PDGFC: variants seen among roughly 807,000 people sequenced by gnomAD.
The protein encoded by PDGFC is platelet-derived growth factor C.
Under a neutral mutation model 35.5 loss-of-function variants are expected in PDGFC, and 12 were observed. The ratio of observed to expected loss-of-function variants is 0.34; its 90% CI spans 0.22 to 0.55. The LOEUF (loss-of-function observed/expected upper bound fraction) is 0.55, where lower values mean the gene tolerates loss of function less well. Ranked by LOEUF, PDGFC falls within the 20% of genes least tolerant of loss-of-function variation. The pLI is 0.91. For synonymous variants in PDGFC, 159 were observed against 148.8 expected, an observed-to-expected ratio of 1.07 and a Z score of -0.50; for missense variants, 322 against 412.4, an observed-to-expected ratio of 0.78 and a Z score of 1.90.
chr4:156,790,331 T>C (rs1731260382), intron 3 of PDGFC, among the ~76,000 whole-genome samples: 1 of 152,158 alleles, frequency 6.6e-6, no homozygotes. Flanking sequence ...GAGAGGAAGT[T>C]GAAAGAAGAA....
intron 1 of PDGFC, among the ~76,000 whole-genome samples, chr4:156,925,173 GT>G (rs1236967696): frequency 6.6e-6 from 1 of 152,196 alleles, no homozygotes; most frequent in Admixed American, 6.5e-5. Flanking sequence ...GGCCAAAACT[GT>G]ATGGGCAAAG....
At chr4:156,858,123 G>A (rs1009519655) in intron 1 of PDGFC, among the ~76,000 whole-genome samples, 15 of 151,958 alleles carry the variant, frequency 9.9e-5, no homozygotes, top group Non-Finnish European at 1.5e-4. Context: ...ATTATTATGC[G>A]TGCCACTATT....
At chr4:156,902,145 C>T (rs1046526763) in intron 1 of PDGFC, among the ~76,000 whole-genome samples, 1 of 152,176 alleles carries the variant, frequency 6.6e-6, no homozygotes. Flanking sequence ...AGATACTTTG[C>T]AATCTGACTC....
At chr4:156,793,049 A>T (rs1731339000) in intron 3 of PDGFC, among the ~76,000 whole-genome samples, 1 of 152,184 alleles carries the variant, frequency 6.6e-6, no homozygotes, top group Non-Finnish European at 1.5e-5. Flanking sequence ...ACCACAGGGC[A>T]TAACTTCAAC....
At chr4:156,799,282 T>A (rs1731531851) in intron 3 of PDGFC, among the ~76,000 whole-genome samples, 1 of 152,146 alleles carries the variant, frequency 6.6e-6, no homozygotes, top group Admixed American at 6.5e-5. Flanking sequence ...AGTGGTAACA[T>A]CTATGCAGAC....
intron 1 of PDGFC, among the ~76,000 whole-genome samples, chr4:156,889,657 A>G (rs1234965919): frequency 6.6e-6 from 1 of 152,176 alleles, no homozygotes; most frequent in Non-Finnish European, 1.5e-5. Flanking sequence ...ACTCCACACA[A>G]TTCTACAAAG....
At chr4:156,811,489 G>A (rs941907107) in intron 2 of PDGFC, among the ~76,000 whole-genome samples, 1 of 151,868 alleles carries the variant, frequency 6.6e-6, no homozygotes, top group African/African-American at 2.4e-5. Flanking sequence ...CATTGTATAC[G>A]CATCTTTCGC....
At chr4:156,830,658 G>C (rs975066526) in intron 2 of PDGFC, among the ~76,000 whole-genome samples, 5 of 152,178 alleles carry the variant, frequency 3.3e-5, no homozygotes, top group Non-Finnish European at 7.3e-5. Flanking sequence ...ACCAAGTTAT[G>C]ACTAATGGGT....
chr4:156,839,285 C>G (rs558711300), intron 2 of PDGFC, among the ~76,000 whole-genome samples: 1 of 152,314 alleles, frequency 6.6e-6, no homozygotes, highest in South Asian at 2.1e-4. Context: ...TTTCTCCCAA[C>G]ATGGGGCAGT....
intron 1 of PDGFC, among the ~76,000 whole-genome samples, chr4:156,962,184 C>G (rs147652522): frequency 6.6e-6 from 1 of 152,156 alleles, no homozygotes; most frequent in Non-Finnish European, 1.5e-5. Context: ...TCTAGGACAT[C>G]TTTCCACTTT....
At chr4:156,792,345 A>G (rs961276769) in intron 3 of PDGFC, among the ~76,000 whole-genome samples, 2 of 152,214 alleles carry the variant, frequency 1.3e-5, no homozygotes, top group Non-Finnish European at 2.9e-5. Flanking sequence ...TGAATTAAAC[A>G]AGTAGTGTAT....
intron 1 of PDGFC, among the ~76,000 whole-genome samples, chr4:156,960,256 A>ATATATATATATATATATATATG (rs1181232846): frequency 2.0e-4 from 30 of 147,016 alleles, no homozygotes; most frequent in African/African-American, 6.9e-4. Flanking sequence ...TAACTGTTAT[A>ATATATATATATATATATATATG]TATATATATA....
chr4:156,787,095 A>C (rs894304093), intron 3 of PDGFC, among the ~76,000 whole-genome samples: 4 of 152,214 alleles, frequency 2.6e-5, no homozygotes, highest in African/African-American at 9.7e-5. Context: ...AGACTGGACA[A>C]GATTGTCAAA....
chr4:156,831,571 A>G (rs577165578), intron 2 of PDGFC, among the ~76,000 whole-genome samples: 13 of 150,928 alleles, frequency 8.6e-5, no homozygotes, highest in Non-Finnish European at 3.0e-5. Flanking sequence ...AGCCTCCTGA[A>G]TAGCTGGGAC....
At chr4:156,889,465 T>C (rs1313110103) in intron 1 of PDGFC, among the ~76,000 whole-genome samples, 1 of 152,192 alleles carries the variant, frequency 6.6e-6, no homozygotes, top group Admixed American at 6.5e-5. Flanking sequence ...GTTAAAATAT[T>C]TGGCCAAGAA....
intron 2 of PDGFC, among the ~76,000 whole-genome samples, chr4:156,845,597 C>T (rs983383885): frequency 6.6e-6 from 1 of 151,708 alleles, no homozygotes; most frequent in Non-Finnish European, 1.5e-5. Flanking sequence ...TGTCTATAGA[C>T]ATATAAATAA....
chr4:156,843,703 A>T (rs531281896), intron 2 of PDGFC, among the ~76,000 whole-genome samples: 1 of 152,202 alleles, frequency 6.6e-6, no homozygotes, highest in Non-Finnish European at 1.5e-5. Flanking sequence ...TCCAAAACCC[A>T]GTTACATATT....
At chr4:156,963,261 A>C (rs751390634) in intron 1 of PDGFC, among the ~76,000 whole-genome samples, 1 of 152,170 alleles carries the variant, frequency 6.6e-6, no homozygotes, top group South Asian at 2.1e-4. Context: ...TGAGCCTAGG[A>C]GTTCAAGACC....
chr4:156,893,271 T>A (rs1730555999), intron 1 of PDGFC, among the ~76,000 whole-genome samples: 1 of 152,110 alleles, frequency 6.6e-6, no homozygotes, highest in Admixed American at 6.5e-5. Context: ...ATATTTTAAC[T>A]TCGTTCAGGT....
Sources: gnomAD v4.1 joint callset for allele counts (sites outside exome capture counted in the v4.1 genomes callset) on GRCh38, gnomAD v4.1.1 for gene constraint, MANE v1.5 for transcripts, NCBI Gene and HGNC (gene_info 2026-07-23, HGNC 2026-07-21) for gene names.